CNBD1: variants seen among roughly 807,000 people sequenced by gnomAD.
CNBD1 encodes cyclic nucleotide binding domain containing 1.
CNBD1 carries 71 observed loss-of-function variants against 54.4 expected under a neutral mutation model. The observed-to-expected ratio is 1.30, with a 90% CI of 1.08 to 1.59. The LOEUF (loss-of-function observed/expected upper bound fraction) is 1.59, where lower values mean the gene tolerates loss of function less well. Ranked by LOEUF, CNBD1 falls within the 40% of genes most tolerant of loss-of-function variation. CNBD1 has a pLI of 0.00. For synonymous variants in CNBD1, 182 were observed against 170.7 expected (o/e 1.07, Z -0.51); for missense variants, 659 against 518.0 (o/e 1.27, Z -2.64).
chr8:86,939,353 C>T (rs992197544), intron 3 of CNBD1, among the ~76,000 whole-genome samples: 2 of 152,006 alleles, frequency 1.3e-5, no homozygotes, highest in Non-Finnish European at 2.9e-5. Context: ...AGTTATAATA[C>T]ATATAATCAA....
Position 87,226,797 on chromosome 8 carries a change from T to G in CNBD1, c.578-10122T>G, listed in dbSNP as rs527290529. ...TGAGTTCAATTCCTGGGTATCCTTG[T>G]TGACTTTCTGTCTCGTTGATCTGTC... is the stretch of plus-strand genomic sequence containing the variant. On this transcript the variant is annotated intron_variant, in intron 5 of 10. Coordinates refer to ENST00000518476, the MANE Select transcript of CNBD1 (RefSeq NM_173538.3). Among the ~76,000 whole-genome samples the G allele has an allele frequency of 9.2e-5, 14 of 151,534 alleles. No homozygotes were observed. The South Asian group carries it at 2.9e-3, about 31-fold the overall frequency.
intron 10 of CNBD1, among the ~76,000 whole-genome samples, chr8:87,370,867 C>A (rs1009715287): frequency 2.0e-5 from 3 of 150,628 alleles, no homozygotes; most frequent in Admixed American, 2.0e-4. Context: ...TTAGGTCTAA[C>A]GTTTAAGTCT....
At chr8:86,894,341 G>A (rs1483344719) in intron 2 of CNBD1, among the ~76,000 whole-genome samples, 1 of 152,000 alleles carries the variant, frequency 6.6e-6, no homozygotes, top group East Asian at 1.9e-4. Flanking sequence ...GATTACAGGC[G>A]TGAGCCACCG....
intron 3 of CNBD1, among the ~76,000 whole-genome samples, chr8:86,934,697 A>G (rs973636650): frequency 6.6e-6 from 1 of 152,218 alleles, no homozygotes; most frequent in Non-Finnish European, 1.5e-5. Flanking sequence ...ATATTGAACC[A>G]TATGAGGTGT....
At chr8:86,982,679 A>G (rs1267183418) in intron 4 of CNBD1, among the ~76,000 whole-genome samples, 6 of 152,198 alleles carry the variant, frequency 3.9e-5, no homozygotes, top group African/African-American at 1.4e-4. Flanking sequence ...ACATTTTGTC[A>G]TGATTACAAT....
chr8:87,271,851 A>G (rs1297018613), intron 6 of CNBD1, among the ~76,000 whole-genome samples: 6 of 152,064 alleles, frequency 3.9e-5, no homozygotes, highest in African/African-American at 1.4e-4. Context: ...ATACAGAAGC[A>G]ACCTAAGTGT....
chr8:87,327,930 G>A (rs1009413501), intron 8 of CNBD1, among the ~76,000 whole-genome samples: 2 of 151,930 alleles, frequency 1.3e-5, no homozygotes, highest in East Asian at 3.9e-4. Context: ...TAAGGTAAGA[G>A]TCTGTGTGAT....
In CNBD1 at chr8:86,961,694, G is replaced by T. The variant is rs114155071; in HGVS notation, c.431+21940G>T. ...AGTGCTGCTTTGTCTTCTCCCTCCA[G>T]AGGCAATGGCCTACCACGATCTTTG... is the stretch of plus-strand genomic sequence containing the variant. On this transcript the variant is annotated intron_variant, in intron 4 of 10. Transcript: ENST00000518476. Among the ~76,000 whole-genome samples, 1,403 of 152,334 alleles carry T rather than the reference G, an allele frequency of 9.2e-3. 26 individuals carry two copies. The highest frequency in any genetic ancestry group is 0.032 in the African/African-American group (1,341 of 41,586).
At chr8:87,236,367 A>T (rs1807584714) in intron 5 of CNBD1, among the ~76,000 whole-genome samples, 1 of 152,108 alleles carries the variant, frequency 6.6e-6, no homozygotes, top group South Asian at 2.1e-4. Context: ...TTAGAGATTT[A>T]TGTAAGAGTA....
intron 4 of CNBD1, among the ~76,000 whole-genome samples, chr8:87,037,453 A>G (rs1411684754): frequency 6.6e-6 from 1 of 152,128 alleles, no homozygotes; most frequent in Non-Finnish European, 1.5e-5. Context: ...ATTAAGCATT[A>G]GCATTCTTCT....
At chr8:87,153,310 T>C (rs2130750920) in intron 4 of CNBD1, among the ~76,000 whole-genome samples, 1 of 152,366 alleles carries the variant, frequency 6.6e-6, no homozygotes, top group African/African-American at 2.4e-5. Flanking sequence ...ATCAATTTTC[T>C]GGATATCGTG....
chr8:87,270,525 T>A (rs879157428), intron 6 of CNBD1, among the ~76,000 whole-genome samples: 2 of 151,892 alleles, frequency 1.3e-5, no homozygotes, highest in Non-Finnish European at 1.5e-5. Flanking sequence ...GGAGTGTAAA[T>A]TAGTTCAACC....
At chr8:86,975,459 A>G (rs72663188) in intron 4 of CNBD1, among the ~76,000 whole-genome samples, 33 of 152,044 alleles carry the variant, frequency 2.2e-4, no homozygotes, top group South Asian at 4.1e-4. Context: ...TAGATTTTGC[A>G]TATAGGTGAG....
intron 4 of CNBD1, among the ~76,000 whole-genome samples, chr8:86,959,591 C>T (rs918537390): frequency 1.3e-5 from 2 of 152,146 alleles, no homozygotes; most frequent in Non-Finnish European, 2.9e-5. Flanking sequence ...CACTTCATTT[C>T]ATTGATTTGA....
chr8:87,372,396 A>G (rs1301008098), intron 10 of CNBD1, among the ~76,000 whole-genome samples: 1 of 151,946 alleles, frequency 6.6e-6, no homozygotes, highest in Non-Finnish European at 1.5e-5. Context: ...TTCCCATCAA[A>G]TGCTAGTTTT....
At chr8:87,033,871 A>G (rs1444272057) in intron 4 of CNBD1, among the ~76,000 whole-genome samples, 1 of 151,998 alleles carries the variant, frequency 6.6e-6, no homozygotes, top group Non-Finnish European at 1.5e-5. Flanking sequence ...TGCTGGCATT[A>G]TATTTATTAG....
intron 2 of CNBD1, among the ~76,000 whole-genome samples, chr8:87,389,984 A>G (rs200405515): frequency 0.092 from 13,563 of 147,814 alleles, 619 homozygotes; most frequent in South Asian, 0.1. Context: ...CCTGAGAAAA[A>G]CAAGCAATGG....
intron 10 of CNBD1, among the ~76,000 whole-genome samples, chr8:87,374,718 C>G (rs549428695): frequency 2.6e-5 from 4 of 151,804 alleles, no homozygotes; most frequent in Non-Finnish European, 5.9e-5. Flanking sequence ...CATGATCTCA[C>G]TCACTGTCTG....
At chr8:87,084,915 T>C (rs1008566625) in intron 4 of CNBD1, among the ~76,000 whole-genome samples, 1 of 152,206 alleles carries the variant, frequency 6.6e-6, no homozygotes, top group African/African-American at 2.4e-5. Flanking sequence ...CCTCAGGTGA[T>C]CCACCTGCCT....
Sources: allele counts gnomAD v4.1 joint callset (sites outside exome capture counted in the v4.1 genomes callset), GRCh38; gene constraint gnomAD v4.1.1; transcripts MANE v1.5; gene names NCBI Gene and HGNC (gene_info 2026-07-23, HGNC 2026-07-21).